Variants in PDE1C observed in about 807,000 individuals in gnomAD.
PDE1C encodes phosphodiesterase 1C, also known as dual specificity calcium/calmodulin-dependent 3',5'-cyclic nucleotide phosphodiesterase 1C.
A neutral mutation model predicts 93.1 loss-of-function variants in PDE1C; 62 were observed. The observed-to-expected ratio is 0.67, with a 90% confidence interval of 0.54 to 0.82. The LOEUF (loss-of-function observed/expected upper bound fraction) is 0.82, where lower values mean the gene tolerates loss of function less well. Among genes scored for constraint, PDE1C ranks in the 40% least tolerant of loss-of-function variants. PDE1C has a pLI of 0.00. For missense variants in PDE1C, 742 were observed against 884.6 expected, an observed-to-expected ratio of 0.84 and a Z score of 2.04; for synonymous variants, 325 against 310.1, an observed-to-expected ratio of 1.05 and a Z score of -0.50.
At chr7:31,617,828 G>A in the PDE1C span, among the ~76,000 whole-genome samples, 148,747 of 152,324 alleles carry the variant, frequency 0.98, 72,640 homozygotes, top group East Asian at 0.99. Flanking sequence ...GACTATTTAA[G>A]TTTCAGAAGA....
At chr7:31,754,070 C>T (rs767013202) in intron 17 of PDE1C, among the ~76,000 whole-genome samples, 2 of 152,072 alleles carry the variant, frequency 1.3e-5, no homozygotes, top group Non-Finnish European at 2.9e-5. Flanking sequence ...AGAAACAACC[C>T]AATTTTAAAA....
At chr7:31,795,355 T>C (rs1262570322) in intron 16 of PDE1C, among the ~76,000 whole-genome samples, 1 of 151,900 alleles carries the variant, frequency 6.6e-6, no homozygotes, top group Non-Finnish European at 1.5e-5. Context: ...ATCATTTTTT[T>C]CCAGGAGAAA....
At chr7:32,399,160 T>C (rs1784896287) in intron 1 of PDE1C, among the ~76,000 whole-genome samples, 1 of 152,186 alleles carries the variant, frequency 6.6e-6, no homozygotes, top group East Asian at 1.9e-4. Context: ...GTGTGCTCAG[T>C]TGGTTCTCAT....
intron 2 of PDE1C, among the ~76,000 whole-genome samples, chr7:32,023,899 C>G (rs114523193): frequency 6.6e-6 from 1 of 152,120 alleles, no homozygotes; most frequent in East Asian, 1.9e-4. Context: ...GTGTGCACAA[C>G]TGGGGAAATC....
intron 3 of PDE1C, among the ~76,000 whole-genome samples, chr7:32,146,111 C>T (rs1243866104): frequency 6.6e-6 from 1 of 152,124 alleles, no homozygotes; most frequent in East Asian, 1.9e-4. Flanking sequence ...GGCTCAGTTT[C>T]AAGGACTTCC....
chr7:32,176,694 CA>C (rs60331498), intron 2 of PDE1C, among the ~76,000 whole-genome samples: 49,105 of 151,732 alleles, frequency 0.32, 8,929 homozygotes, highest in East Asian at 0.59. Context: ...AATATGCACA[CA>C]CACGTACTCA....
chr7:32,187,292 C>A (rs1259606213), intron 2 of PDE1C, among the ~76,000 whole-genome samples: 1 of 152,050 alleles, frequency 6.6e-6, no homozygotes, highest in African/African-American at 2.4e-5. Context: ...CCATGCCTGG[C>A]TGATAGTTAT....
At chr7:31,707,811 G>A in the PDE1C span, 3 of 154,018 alleles carry the variant, frequency 1.9e-5, no homozygotes, top group African/African-American at 7.2e-5. Context: ...CTCTGGTGAT[G>A]TTCCTAAGAC....
intron 1 of PDE1C, among the ~76,000 whole-genome samples, chr7:32,237,133 C>T (rs907382799): frequency 7.1e-6 from 1 of 141,706 alleles, no homozygotes; most frequent in African/African-American, 2.6e-5. Context: ...GTCGCCCAGG[C>T]TGGAGTGCAG....
At chr7:32,305,521 G>A (rs548203519) in intron 1 of PDE1C, among the ~76,000 whole-genome samples, 3 of 152,296 alleles carry the variant, frequency 2.0e-5, no homozygotes, top group African/African-American at 7.2e-5. Flanking sequence ...AGGTCTTACA[G>A]TCACCTTGGC....
chr7:31,693,419 A>G, the PDE1C span, among the ~76,000 whole-genome samples: 4 of 152,260 alleles, frequency 2.6e-5, no homozygotes, highest in Non-Finnish European at 4.4e-5. Flanking sequence ...AAGCTTTTAA[A>G]ATTGTGTTTG....
intron 2 of PDE1C, among the ~76,000 whole-genome samples, chr7:31,967,512 G>T (rs191020755): frequency 4.6e-5 from 7 of 152,314 alleles, no homozygotes; most frequent in African/African-American, 1.7e-4. Context: ...TGGATTCACA[G>T]CCAAATTCTA....
At chr7:32,328,267 G>A (rs558412598) in intron 1 of PDE1C, among the ~76,000 whole-genome samples, 2 of 152,064 alleles carry the variant, frequency 1.3e-5, no homozygotes, top group African/African-American at 4.8e-5. Context: ...TCTCACTAAG[G>A]TTCTAGTTAA....
chr7:32,407,568 C>T (rs556459305), intron 1 of PDE1C, among the ~76,000 whole-genome samples: 64 of 152,218 alleles, frequency 4.2e-4, no homozygotes, highest in South Asian at 1.5e-3. Flanking sequence ...CATGTGCAAG[C>T]TCACAGAGAG....
At position 31,778,598 on chromosome 7, in the gene PDE1C, T is replaced by C. The variant is rs117415999; in HGVS notation, c.1892-2866A>G. On this transcript the variant is annotated intron_variant, in intron 16 of 17. Transcript: ENST00000396191. ...CCTCTAGAGGCAAAAGTGCCCTCCA[T>C]TGAGAATCTCTATTTTAGGTTGCAG... Among the ~76,000 whole-genome samples, 448 of 152,294 alleles carry C rather than the reference T, an allele frequency of 2.9e-3. 18 individuals carry two copies. In the East Asian group the frequency reaches 0.066, roughly 22 times the overall value.
At chr7:31,662,839 A>T in the PDE1C span, among the ~76,000 whole-genome samples, 2 of 152,276 alleles carry the variant, frequency 1.3e-5, no homozygotes, top group East Asian at 3.9e-4. Flanking sequence ...AAATTCCTCT[A>T]GGTGATTTCT....
the PDE1C span, among the ~76,000 whole-genome samples, chr7:31,742,592 A>G: frequency 6.6e-6 from 1 of 152,050 alleles, no homozygotes; most frequent in South Asian, 2.1e-4. Flanking sequence ...GAAACACCAC[A>G]CTGGTGTTAC....
At chr7:32,050,124 A>G (rs1023241833) in intron 2 of PDE1C, among the ~76,000 whole-genome samples, 2 of 152,208 alleles carry the variant, frequency 1.3e-5, no homozygotes, top group African/African-American at 2.4e-5. Flanking sequence ...TTGTACTACA[A>G]TGTTACTGCA....
intron 3 of PDE1C, among the ~76,000 whole-genome samples, chr7:32,100,288 G>A (rs1446430693): frequency 6.6e-6 from 1 of 152,152 alleles, no homozygotes; most frequent in East Asian, 1.9e-4. Flanking sequence ...AAAAATAAGT[G>A]GAATAAATTC....
Sources: gnomAD v4.1 joint callset for allele counts (sites outside exome capture counted in the v4.1 genomes callset) on GRCh38, gnomAD v4.1.1 for gene constraint, MANE v1.5 for transcripts, NCBI Gene and HGNC (gene_info 2026-07-23, HGNC 2026-07-21) for gene names.